PRUNE2: variants seen among roughly 807,000 people sequenced by gnomAD.
PRUNE2 encodes the protein prune homolog 2 with BCH domain.
PRUNE2 carries 164 observed loss-of-function variants against 252.0 expected under a neutral mutation model. The ratio of observed to expected loss-of-function variants is 0.65; its 90% CI spans 0.57 to 0.74. PRUNE2 has a LOEUF of 0.74. Ranked by LOEUF, PRUNE2 falls within the 30% of genes least tolerant of loss-of-function variation. The probability of loss-of-function intolerance (pLI) is 0.00; values close to 1 mark genes in which losing one functional copy is unlikely to be tolerated. For missense variants in PRUNE2, 3,495 were observed against 3,711.0 expected, an observed-to-expected ratio of 0.94 and a Z score of 1.51; for synonymous variants, 1,292 against 1,350.2, an observed-to-expected ratio of 0.96 and a Z score of 0.94.
In PRUNE2 at chr9:76,709,246, T is replaced by C. The variant is rs560918476; in HGVS notation, c.3028A>G (p.Ile1010Val). 1.3e-5 allele frequency: 21 copies of C among 1,558,142 alleles called. No homozygotes were observed. The highest frequency in any genetic ancestry group is 4.7e-5 in the African/African-American group (3 of 63,410). ...DGNSTAEETD[I>V]PPQSLQQSSR... is the part of the protein sequence containing the mutation. Reference sequence around the variant, plus strand: ...GACTGTTGCAGTGACTGAGGAGGAATGTCAGTCTCCTCTGCCGTGGAGTTA... The same window carrying C: ...GACTGTTGCAGTGACTGAGGAGGAACGTCAGTCTCCTCTGCCGTGGAGTTA... The change falls in exon 8 of 19, where the codon ATT (isoleucine) becomes GTT (valine). Residue 1010 changes from isoleucine (I) to valine (V), a missense_variant. By Grantham distance (29) the Ile-to-Val change is conservative. Transcript: ENST00000376718.
intron 11 of PRUNE2, among the ~76,000 whole-genome samples, chr9:76,646,708 C>G (rs531477952): frequency 2.0e-5 from 3 of 152,248 alleles, no homozygotes; most frequent in African/African-American, 7.2e-5. Context: ...GATTCTGAAG[C>G]AGGTTTGTAT....
chr9:76,868,853 G>A (rs1185818177), intron 1 of PRUNE2: 1 of 139,544 alleles, frequency 7.2e-6, no homozygotes, highest in Non-Finnish European at 1.6e-5. Context: ...GGGGGGCGGG[G>A]GGGAAGGAAA....
intron 1 of PRUNE2, among the ~76,000 whole-genome samples, chr9:76,855,407 A>G (rs933817727): frequency 1.3e-5 from 2 of 151,930 alleles, no homozygotes; most frequent in Admixed American, 6.6e-5. Flanking sequence ...GCTATATAAA[A>G]GGTTAGATTG....
chr9:76,860,631 C>T (rs1281302186), intron 1 of PRUNE2, among the ~76,000 whole-genome samples: 1 of 152,130 alleles, frequency 6.6e-6, no homozygotes, highest in African/African-American at 2.4e-5. Context: ...ATTTTTGGAA[C>T]ACTTTTTTCA....
intron 6 of PRUNE2, among the ~76,000 whole-genome samples, chr9:76,792,949 T>C (rs534821562): frequency 1.3e-5 from 2 of 152,352 alleles, no homozygotes; most frequent in East Asian, 3.9e-4. Flanking sequence ...TTTTCTCTAA[T>C]GTCCTTGGTG....
chr9:76,707,368 A>T lies in PRUNE2; in HGVS notation c.4906T>A (p.Ser1636Thr). ...TTGCCTGTTTCAGGACTGGATAAAGAGGAAAAGGAATCACCATCAACTGAG... is the reference window on the plus strand; with the variant it reads ...TTGCCTGTTTCAGGACTGGATAAAGTGGAAAAGGAATCACCATCAACTGAG... ...NDSVDGDSFS[S>T]LSSPETGKYS... Residue 1636 changes from serine to threonine, a missense_variant, in exon 8 of 19, where the codon TCT (serine) becomes ACT (threonine). Physicochemically the swap from Ser to Thr is moderately conservative, Grantham distance 58. Coordinates refer to ENST00000376718, the MANE Select transcript of PRUNE2 (RefSeq NM_015225.3). 6.2e-7 allele frequency: 1 copy of T among 1,614,018 alleles called. No homozygotes were observed.
chr9:76,879,709 C>T (rs961128703), intron 1 of PRUNE2, among the ~76,000 whole-genome samples: 4 of 151,082 alleles, frequency 2.6e-5, no homozygotes, highest in African/African-American at 7.3e-5. Flanking sequence ...AAAGGAAGTG[C>T]GGGAGGGTTT....
At chr9:76,665,359 C>T (rs2039930745) in intron 9 of PRUNE2, among the ~76,000 whole-genome samples, 1 of 152,122 alleles carries the variant, frequency 6.6e-6, no homozygotes, top group African/African-American at 2.4e-5. Flanking sequence ...GGATCTGGGA[C>T]CTCACCTCCA....
chr9:76,626,549 G>GA (rs1249426138), intron 16 of PRUNE2, among the ~76,000 whole-genome samples: 2 of 152,158 alleles, frequency 1.3e-5, no homozygotes, highest in African/African-American at 4.8e-5. Context: ...TCTTTCTCCA[G>GA]AAAAAAATTT....
intron 6 of PRUNE2, among the ~76,000 whole-genome samples, chr9:76,779,387 A>G (rs1481773349): frequency 6.6e-6 from 1 of 152,216 alleles, no homozygotes; most frequent in African/African-American, 2.4e-5. Context: ...TCCAAAGCCA[A>G]CGTCGAATTT....
At chr9:76,649,037 G>A (rs1490137917) in intron 11 of PRUNE2, among the ~76,000 whole-genome samples, 1 of 152,212 alleles carries the variant, frequency 6.6e-6, no homozygotes, top group African/African-American at 2.4e-5. Context: ...AAGGGATGTA[G>A]ACAGTGAAGG....
intron 1 of PRUNE2, among the ~76,000 whole-genome samples, chr9:76,903,532 C>T (rs1177296637): frequency 1.3e-5 from 2 of 152,154 alleles, no homozygotes; most frequent in African/African-American, 4.8e-5. Flanking sequence ...AATTTCTTCA[C>T]CTTAAAATGT....
intron 9 of PRUNE2, among the ~76,000 whole-genome samples, chr9:76,695,176 C>G (rs1399134644): frequency 6.6e-6 from 1 of 152,204 alleles, no homozygotes. Flanking sequence ...GCTGGGATTA[C>G]AGGTGTGTGC....
At chr9:76,868,423 C>A (rs537561964) in intron 1 of PRUNE2, among the ~76,000 whole-genome samples, 1 of 152,324 alleles carries the variant, frequency 6.6e-6, no homozygotes, top group East Asian at 1.9e-4. Flanking sequence ...CACACATACA[C>A]TCAGGCCTGA....
intron 9 of PRUNE2, among the ~76,000 whole-genome samples, 182 bp downstream of exon 9, chr9:76,703,155 T>C (rs930563697): frequency 6.6e-6 from 1 of 151,728 alleles, no homozygotes; most frequent in Admixed American, 6.6e-5. Flanking sequence ...AAAATGTACA[T>C]AAATTATCAT....
At chr9:76,640,493 G>A (rs1012352255) in intron 12 of PRUNE2, among the ~76,000 whole-genome samples, 1 of 152,180 alleles carries the variant, frequency 6.6e-6, no homozygotes, top group Non-Finnish European at 1.5e-5. Flanking sequence ...GATCTTAGAA[G>A]ATGCTACCTA....
chr9:76,777,048 G>A (rs1413745616), intron 6 of PRUNE2, among the ~76,000 whole-genome samples: 4 of 151,946 alleles, frequency 2.6e-5, no homozygotes, highest in Non-Finnish European at 5.9e-5. Flanking sequence ...AATGCCATCA[G>A]GGTAGCTTCC....
chr9:76,684,155 T>C (rs536102418), intron 9 of PRUNE2, among the ~76,000 whole-genome samples: 54 of 152,314 alleles, frequency 3.5e-4, no homozygotes, highest in African/African-American at 1.2e-3. Flanking sequence ...TTATTTATTA[T>C]AGTCACCACT....
chr9:76,624,346 A>T (rs1382394624), intron 17 of PRUNE2, 106 bp downstream of exon 17: 10 of 643,600 alleles, frequency 1.6e-5, no homozygotes, highest in Non-Finnish European at 2.4e-5. Context: ...AAAGTGCATT[A>T]TTATCAGGAA....
Sources: gnomAD v4.1 joint callset for allele counts (sites outside exome capture counted in the v4.1 genomes callset) on GRCh38, gnomAD v4.1.1 for gene constraint, MANE v1.5 for transcripts, NCBI Gene and HGNC (gene_info 2026-07-23, HGNC 2026-07-21) for gene names.